The following CSMD2 variants were observed in gnomAD, a reference collection of about 807,000 sequenced individuals.
CSMD2 encodes CUB and sushi domain-containing protein 2.
A neutral mutation model predicts 398.5 loss-of-function variants in CSMD2; 130 were observed. The observed-to-expected ratio is 0.33, with a 90% CI of 0.28 to 0.38. The LOEUF is 0.38. Among genes scored for constraint, CSMD2 ranks in the 10% least tolerant of loss-of-function variants. The pLI is 1.00. For synonymous variants in CSMD2, 1,828 were observed against 1,908.5 expected (o/e 0.96, Z 1.10); for missense variants, 3,829 against 4,764.9 (o/e 0.80, Z 5.78).
At chr1:33,597,042 A>G (rs1639886832) in intron 44 of CSMD2, among the ~76,000 whole-genome samples, 1 of 151,798 alleles carries the variant, frequency 6.6e-6, no homozygotes, top group Admixed American at 6.6e-5. Context: ...TATTACTTCT[A>G]GTTCCTAAAC....
chr1:34,094,319 G>C (rs1008159719), intron 1 of CSMD2, among the ~76,000 whole-genome samples: 1 of 151,728 alleles, frequency 6.6e-6, no homozygotes, highest in Non-Finnish European at 1.5e-5. Flanking sequence ...AAAATGTAAC[G>C]ACCATCGAGA....
intron 12 of CSMD2, among the ~76,000 whole-genome samples, chr1:33,777,854 C>G (rs774136656): frequency 1.7e-4 from 26 of 152,276 alleles, no homozygotes; most frequent in Non-Finnish European, 3.1e-4. Context: ...ATTTCTAATA[C>G]CAAATTGGAA....
At chr1:33,871,181 T>C (rs183707807) in intron 5 of CSMD2, among the ~76,000 whole-genome samples, 157 of 152,260 alleles carry the variant, frequency 1.0e-3, no homozygotes, top group African/African-American at 3.6e-3. Context: ...CAAACTGAAA[T>C]GATGAGTACA....
intron 16 of CSMD2, 113 bp from the exon 17 acceptor site, chr1:33,725,649 G>A (rs150787225): frequency 3.3e-6 from 3 of 916,164 alleles, no homozygotes; most frequent in African/African-American, 1.7e-5. Context: ...TTGGCAGGCT[G>A]GGATCTTTTA....
intron 2 of CSMD2, among the ~76,000 whole-genome samples, chr1:34,063,265 G>A (rs958676428): frequency 2.0e-5 from 3 of 152,082 alleles, no homozygotes; most frequent in African/African-American, 7.2e-5. Context: ...CTTCCCAACA[G>A]TCCCCCAAAG....
chr1:33,746,532 T>G (rs1199453638), intron 13 of CSMD2, among the ~76,000 whole-genome samples: 2 of 152,206 alleles, frequency 1.3e-5, no homozygotes, highest in Non-Finnish European at 2.9e-5. Context: ...GATTGTCATG[T>G]TGCAAAGCTC....
chr1:33,820,585 A>G, intron 7 of CSMD2, 29 bp from the exon 8 acceptor site: 1 of 1,103,172 alleles, frequency 9.1e-7, no homozygotes, highest in Non-Finnish European at 1.3e-6. Flanking sequence ...AAAAAAAAAA[A>G]AAACAGCACA....
chr1:33,816,159 C>T (rs1000679205), intron 9 of CSMD2, among the ~76,000 whole-genome samples: 1 of 152,178 alleles, frequency 6.6e-6, no homozygotes, highest in Non-Finnish European at 1.5e-5. Context: ...ACTTAGGTCT[C>T]TAAGTCCCAA....
intron 12 of CSMD2, among the ~76,000 whole-genome samples, chr1:33,781,592 T>C (rs577603052): frequency 6.6e-6 from 1 of 152,276 alleles, no homozygotes; most frequent in East Asian, 1.9e-4. Context: ...GTCTGTAGGG[T>C]CCAGGTCCCA....
intron 5 of CSMD2, among the ~76,000 whole-genome samples, chr1:33,890,011 G>T (rs957387234): frequency 1.3e-5 from 2 of 149,304 alleles, no homozygotes; most frequent in African/African-American, 5.0e-5. Context: ...AATACTCTAT[G>T]AACACAGCTC....
At chr1:34,072,044 CA>C (rs1329984587) in intron 2 of CSMD2, among the ~76,000 whole-genome samples, 1 of 152,190 alleles carries the variant, frequency 6.6e-6, no homozygotes, top group Non-Finnish European at 1.5e-5. Flanking sequence ...CAAGCTGGGA[CA>C]GAACCCAGCT....
rs112257544 is a variant in CSMD2 at position 33,693,406 on chromosome 1, T to G, written c.3926-350A>C. On this transcript the variant is annotated intron_variant, in intron 24 of 70. Coordinates refer to ENST00000373381, the MANE Select transcript of CSMD2 (RefSeq NM_001281956.2). Reference sequence around the variant, plus strand: ...AATCAAACTCACAATGAGATATCACTTCACACCCACTGGGATGTCTATAGT... The same window carrying G: ...AATCAAACTCACAATGAGATATCACGTCACACCCACTGGGATGTCTATAGT... Among the ~76,000 whole-genome samples, 54 of 152,266 alleles carry G rather than the reference T, an allele frequency of 3.5e-4. 5 individuals carry two copies. The highest frequency in any genetic ancestry group is 1.3e-3 in the African/African-American group (52 of 41,546).
chr1:33,677,777 C>T (rs1381713273), intron 25 of CSMD2, among the ~76,000 whole-genome samples: 1 of 151,702 alleles, frequency 6.6e-6, no homozygotes, highest in African/African-American at 2.4e-5. Flanking sequence ...ACTATGCAGC[C>T]ATAAAAAATG....
chr1:33,716,951 G>A (rs1168018623), intron 19 of CSMD2, among the ~76,000 whole-genome samples: 1 of 152,184 alleles, frequency 6.6e-6, no homozygotes, highest in East Asian at 1.9e-4. Context: ...TGGAATGAAT[G>A]TAGACAGCAT....
intron 1 of CSMD2, among the ~76,000 whole-genome samples, chr1:34,157,400 C>T (rs1264356584): frequency 6.6e-6 from 1 of 152,034 alleles, no homozygotes; most frequent in Non-Finnish European, 1.5e-5. Context: ...TATATAATAA[C>T]CCCATCTTAT....
At chr1:33,993,562 C>G (rs201412488) in intron 3 of CSMD2, among the ~76,000 whole-genome samples, 1 of 151,076 alleles carries the variant, frequency 6.6e-6, no homozygotes, top group Non-Finnish European at 1.5e-5. Flanking sequence ...GCCAGCCTCT[C>G]CCTCTCTCTC....
intron 3 of CSMD2, among the ~76,000 whole-genome samples, chr1:33,983,469 CAA>C (rs892995639): frequency 2.0e-5 from 3 of 152,162 alleles, no homozygotes; most frequent in Admixed American, 1.3e-4. Flanking sequence ...AAAGTAATTT[CAA>C]AGAGTCTGCA....
chr1:33,627,241 C>T (rs1197974285), intron 32 of CSMD2, among the ~76,000 whole-genome samples: 1 of 152,212 alleles, frequency 6.6e-6, no homozygotes, highest in African/African-American at 2.4e-5. Context: ...GGGGAACCTG[C>T]ATGGGCACAG....
chr1:33,939,762 C>T (rs1329624541), intron 3 of CSMD2, among the ~76,000 whole-genome samples: 1 of 152,140 alleles, frequency 6.6e-6, no homozygotes, highest in Non-Finnish European at 1.5e-5. Flanking sequence ...TCATTTCCAA[C>T]CCCACCTGCT....
Sources: gnomAD v4.1 joint callset for allele counts (sites outside exome capture counted in the v4.1 genomes callset) on GRCh38, gnomAD v4.1.1 for gene constraint, MANE v1.5 for transcripts, NCBI Gene and HGNC (gene_info 2026-07-23, HGNC 2026-07-21) for gene names.